The following TTBK2 variants were observed in gnomAD, a reference collection of about 807,000 sequenced individuals.
The protein encoded by TTBK2 is tau tubulin kinase 2, also known as tau-tubulin kinase 2.
A neutral mutation model predicts 110.8 loss-of-function variants in TTBK2; 28 were observed. The ratio of observed to expected loss-of-function variants is 0.25; its 90% CI spans 0.19 to 0.35. The LOEUF (loss-of-function observed/expected upper bound fraction) is 0.35, where lower values mean the gene tolerates loss of function less well. Ranked by LOEUF, TTBK2 falls within the 10% of genes least tolerant of loss-of-function variation. The probability of loss-of-function intolerance (pLI) is 1.00; values close to 1 mark genes in which losing one functional copy is unlikely to be tolerated. For missense variants in TTBK2, 1,369 were observed against 1,500.3 expected (o/e 0.91, Z 1.45); for synonymous variants, 532 against 527.3 (o/e 1.01, Z -0.12).
chr15:42,785,708 C>T (rs1376768868), intron 10 of TTBK2, among the ~76,000 whole-genome samples: 1 of 151,590 alleles, frequency 6.6e-6, no homozygotes, highest in African/African-American at 2.4e-5. Flanking sequence ...AGTGAAAAGG[C>T]TCCTGCCAGT....
chr15:42,779,267 G>C (rs1890074879), intron 11 of TTBK2, among the ~76,000 whole-genome samples: 1 of 152,110 alleles, frequency 6.6e-6, no homozygotes, highest in African/African-American at 2.4e-5. Flanking sequence ...AAATTAGCCA[G>C]GTGTGGTGGT....
At chr15:42,757,106 A>T (rs572652881) in intron 13 of TTBK2, among the ~76,000 whole-genome samples, 1 of 151,634 alleles carries the variant, frequency 6.6e-6, no homozygotes, top group African/African-American at 2.4e-5. Flanking sequence ...ATCATTTTTT[A>T]ATTATTATTA....
intron 10 of TTBK2, among the ~76,000 whole-genome samples, chr15:42,793,627 T>C (rs906739380): frequency 4.6e-5 from 7 of 151,820 alleles, no homozygotes; most frequent in Non-Finnish European, 7.4e-5. Flanking sequence ...GACAGGCAGA[T>C]CACTTGAGGT....
At chr15:42,768,557 A>G (rs1405390975) in intron 13 of TTBK2, among the ~76,000 whole-genome samples, 5 of 152,258 alleles carry the variant, frequency 3.3e-5, no homozygotes, top group African/African-American at 9.6e-5. Context: ...TACAAGGGAT[A>G]TGAAGGACCT....
intron 1 of TTBK2, among the ~76,000 whole-genome samples, chr15:42,917,984 CAA>C: frequency 6.6e-6 from 1 of 152,018 alleles, no homozygotes; most frequent in Non-Finnish European, 1.5e-5. Flanking sequence ...CCATAATTCT[CAA>C]AGACTTTTTA....
At chr15:42,899,081 C>T (rs1895779966) in intron 1 of TTBK2, among the ~76,000 whole-genome samples, 1 of 152,140 alleles carries the variant, frequency 6.6e-6, no homozygotes, top group African/African-American at 2.4e-5. Context: ...AAAACTCCAC[C>T]TCCTGGGCTA....
At chr15:42,807,567 C>A (rs1419434776) in intron 9 of TTBK2, among the ~76,000 whole-genome samples, 1 of 148,448 alleles carries the variant, frequency 6.7e-6, no homozygotes, top group Non-Finnish European at 1.5e-5. Flanking sequence ...TGCTACCACA[C>A]CTGGCTAATT....
intron 3 of TTBK2, among the ~76,000 whole-genome samples, chr15:42,870,658 C>A (rs1393214408): frequency 6.6e-6 from 1 of 151,626 alleles, no homozygotes; most frequent in Non-Finnish European, 1.5e-5. Context: ...GTCAAGAGAT[C>A]GAGACCATCC....
At chr15:42,878,768 A>G in intron 1 of TTBK2, 84 bp from the exon 2 acceptor site, 1 of 1,494,052 alleles carries the variant, frequency 6.7e-7, no homozygotes, top group Non-Finnish European at 9.0e-7. Flanking sequence ...AGGAAGCACT[A>G]CTAATACTAT....
At chr15:42,765,187 TAAAAACCAGA>T (rs1435704300) in intron 13 of TTBK2, among the ~76,000 whole-genome samples, 1 of 152,202 alleles carries the variant, frequency 6.6e-6, no homozygotes, top group East Asian at 1.9e-4. Flanking sequence ...CTGAAAATTC[TAAAAACCAGA>T]GCACCTCTTC....
In TTBK2 at chr15:42,752,874, T is replaced by C; in HGVS notation, c.2372A>G (p.Glu791Gly). ...ACAATGCTGCCCTCTACTTAACTTC[T>C]CATCTTCATTATCTGACTCTAAAAG... is the stretch of plus-strand genomic sequence containing the variant. ...SILLESDNED[E>G]KLSRGQHCIE... The change falls in exon 14 of 15, where the codon GAG becomes GGG. Residue 791 changes from glutamate (E) to glycine (G), a missense_variant. By Grantham distance (98) the Glu-to-Gly change is moderately conservative. This residue lies in a region of TTBK2 where 1,097 missense variants were observed against 1,114.7 expected (regional missense o/e 0.98). Transcript: ENST00000267890. 1.9e-6 allele frequency: 3 copies of C among 1,614,228 alleles called. No homozygotes were observed. The highest frequency in any genetic ancestry group is 2.5e-6 in the Non-Finnish European group (3 of 1,180,042).
chr15:42,814,064 C>A (rs927462050), intron 7 of TTBK2, among the ~76,000 whole-genome samples: 23 of 151,768 alleles, frequency 1.5e-4, no homozygotes, highest in African/African-American at 5.6e-4. Flanking sequence ...GTCGTCAGCC[C>A]GGGCTGGAGT....
intron 8 of TTBK2, 109 bp from the exon 9 acceptor site, chr15:42,810,848 G>A: frequency 1.6e-6 from 2 of 1,286,664 alleles, no homozygotes; most frequent in Non-Finnish European, 2.2e-6. Flanking sequence ...GAGATAGTGG[G>A]TAATTAAGCA....
Position 42,794,692 on chromosome 15 carries a change from G to T in TTBK2, c.932C>A (p.Thr311Asn). 6.2e-7 allele frequency: 1 copy of T among 1,614,174 alleles called. No individual in the cohort carries two copies. The highest frequency in any genetic ancestry group is 8.5e-7 in the Non-Finnish European group (1 of 1,180,032). ...AGTGTGCAACTGAGGGGTGGTAGAA[G>T]TAGTGGTGGTTGTTAGGGAGCCATC... Reference protein sequence around the residue: ...GNDGSLTTTTTSTTPQLHTRL... With the variant: ...GNDGSLTTTTNSTTPQLHTRL... Residue 311 changes from threonine (T) to asparagine (N), a missense_variant, in exon 10 of 15, where the codon ACT (threonine) becomes AAT (asparagine). Around this residue, in one of 4 missense-constraint regions of TTBK2, gnomAD observed 1,097 missense variants for 1,114.7 expected, o/e 0.98. Coordinates refer to ENST00000267890, the MANE Select transcript of TTBK2 (RefSeq NM_173500.4).
intron 9 of TTBK2, among the ~76,000 whole-genome samples, chr15:42,810,398 G>A (rs1422091999): frequency 6.6e-6 from 1 of 152,088 alleles, no homozygotes; most frequent in Non-Finnish European, 1.5e-5. Context: ...CCTAAAACTC[G>A]AATGAAGTTA....
At chr15:42,901,810 G>T (rs1467615813) in intron 1 of TTBK2, among the ~76,000 whole-genome samples, 1 of 152,052 alleles carries the variant, frequency 6.6e-6, no homozygotes, top group African/African-American at 2.4e-5. Flanking sequence ...CAACCTGGAA[G>T]AAATGAACAA....
At chr15:42,919,924 G>A in intron 1 of TTBK2, 4 of 563,050 alleles carry the variant, frequency 7.1e-6, no homozygotes, top group Middle Eastern at 9.2e-4. Flanking sequence ...CACAGCAAAT[G>A]ACGAGCAAAT....
At chr15:42,885,228 C>T (rs1895195200) in intron 1 of TTBK2, among the ~76,000 whole-genome samples, 1 of 152,218 alleles carries the variant, frequency 6.6e-6, no homozygotes, top group South Asian at 2.1e-4. Context: ...CTTCGGGAGA[C>T]CAGTCCCCTG....
chr15:42,899,643 G>A (rs1335031239), intron 1 of TTBK2, among the ~76,000 whole-genome samples: 2 of 152,112 alleles, frequency 1.3e-5, no homozygotes, highest in East Asian at 3.9e-4. Flanking sequence ...GGGAGGCTGA[G>A]GCAGGGGAAT....
Sources: gnomAD v4.1 joint callset for allele counts (sites outside exome capture counted in the v4.1 genomes callset) on GRCh38, gnomAD v4.1.1 for gene constraint, gnomAD v4.1.1 regional missense constraint, MANE v1.5 for transcripts, NCBI Gene and HGNC (gene_info 2026-07-23, HGNC 2026-07-21) for gene names.